The following FRMD6 variants were observed in gnomAD, a reference collection of about 807,000 sequenced individuals.
FRMD6 encodes the protein FERM domain containing 6.
In FRMD6, 37 loss-of-function variants were observed where a neutral mutation model predicts 73.2. The observed-to-expected ratio is 0.51, with a 90% confidence interval of 0.39 to 0.66. The LOEUF (loss-of-function observed/expected upper bound fraction) is 0.66, where lower values mean the gene tolerates loss of function less well. Among genes scored for constraint, FRMD6 ranks in the 30% least tolerant of loss-of-function variants. The pLI, the probability that FRMD6 is intolerant of heterozygous loss-of-function variation, is 0.00. For missense variants in FRMD6, 714 were observed against 780.5 expected, an observed-to-expected ratio of 0.91 and a Z score of 1.02; for synonymous variants, 273 against 282.2, an observed-to-expected ratio of 0.97 and a Z score of 0.33.
intron 1 of FRMD6, among the ~76,000 whole-genome samples, chr14:51,505,664 G>T (rs1182062299): frequency 6.6e-6 from 1 of 152,100 alleles, no homozygotes; most frequent in Non-Finnish European, 1.5e-5. Context: ...AAAGTCCAAT[G>T]GGCACCTTAA....
chr14:51,549,119 C>G (rs767972347), intron 1 of FRMD6, among the ~76,000 whole-genome samples: 1 of 152,150 alleles, frequency 6.6e-6, no homozygotes, highest in Non-Finnish European at 1.5e-5. Flanking sequence ...GTGAGGGCAG[C>G]AGCCATGCCT....
chr14:51,411,461 T>C, the FRMD6 span, among the ~76,000 whole-genome samples: 6 of 152,310 alleles, frequency 3.9e-5, no homozygotes, highest in South Asian at 2.1e-4. Flanking sequence ...GCTTGAGCAC[T>C]AAGCAAAATC....
At chr14:51,533,147 A>G (rs1327194611) in intron 1 of FRMD6, among the ~76,000 whole-genome samples, 2 of 152,206 alleles carry the variant, frequency 1.3e-5, no homozygotes, top group Non-Finnish European at 2.9e-5. Context: ...GCCCAATGAC[A>G]AAGAGAGGAC....
chr14:51,718,799 G>A (rs1372603243), intron 10 of FRMD6, among the ~76,000 whole-genome samples: 1 of 152,162 alleles, frequency 6.6e-6, no homozygotes, highest in Non-Finnish European at 1.5e-5. Flanking sequence ...TGTGCACATA[G>A]CCTTCTCCAA....
the FRMD6 span, among the ~76,000 whole-genome samples, chr14:51,483,886 T>C: frequency 6.6e-6 from 1 of 152,206 alleles, no homozygotes; most frequent in African/African-American, 2.4e-5. Context: ...CTAGAGGTAA[T>C]TATTCGTCAT....
At chr14:51,441,185 C>T in the FRMD6 span, among the ~76,000 whole-genome samples, 1 of 152,244 alleles carries the variant, frequency 6.6e-6, no homozygotes, top group Admixed American at 6.5e-5. Flanking sequence ...GACCTCCTCT[C>T]TGTTATATGG....
intron 1 of FRMD6, among the ~76,000 whole-genome samples, chr14:51,567,671 C>G (rs1001577030): frequency 2.6e-5 from 4 of 152,194 alleles, no homozygotes; most frequent in African/African-American, 9.7e-5. Context: ...TCATATGCAT[C>G]CTTTATTTGC....
At chr14:51,589,662 C>A (rs924200851) in intron 2 of FRMD6, among the ~76,000 whole-genome samples, 1 of 151,876 alleles carries the variant, frequency 6.6e-6, no homozygotes, top group Non-Finnish European at 1.5e-5. Context: ...CAGGAAGTAG[C>A]TCTGAGTTCA....
intron 1 of FRMD6, among the ~76,000 whole-genome samples, chr14:51,688,162 G>A (rs1452003453): frequency 1.3e-5 from 2 of 151,542 alleles, no homozygotes; most frequent in Non-Finnish European, 2.9e-5. Context: ...CATAGTTTGT[G>A]GTCCTAGAAC....
chr14:51,512,593 T>G (rs1024500707), intron 1 of FRMD6, among the ~76,000 whole-genome samples: 1 of 152,080 alleles, frequency 6.6e-6, no homozygotes, highest in Non-Finnish European at 1.5e-5. Flanking sequence ...CTCCTTCTGA[T>G]AGCTGATGTA....
At chr14:51,707,976 T>C in intron 6 of FRMD6, 102 bp from the exon 7 acceptor site, 1 of 1,062,776 alleles carries the variant, frequency 9.4e-7, no homozygotes, top group Non-Finnish European at 1.4e-6. Context: ...CCAGTTTACA[T>C]GGCCTATTTT....
chr14:51,457,908 G>A, the FRMD6 span, among the ~76,000 whole-genome samples: 33 of 152,316 alleles, frequency 2.2e-4, no homozygotes, highest in South Asian at 3.9e-3. Context: ...GGAACACATG[G>A]ATCAAATCAT....
chr14:51,552,862 C>T (rs1435114777), intron 1 of FRMD6, among the ~76,000 whole-genome samples: 1 of 152,196 alleles, frequency 6.6e-6, no homozygotes, highest in African/African-American at 2.4e-5. Flanking sequence ...CTGGCTGGGT[C>T]TGCCTTCCTC....
intron 8 of FRMD6, 33 bp from the exon 9 acceptor site, chr14:51,712,450 C>G: frequency 1.5e-6 from 2 of 1,298,920 alleles, no homozygotes; most frequent in Non-Finnish European, 2.2e-6. Context: ...TATCATTTTT[C>G]CCATTAACTC....
In FRMD6 at chr14:51,537,063, G is replaced by A. The variant is rs116839128; in HGVS notation, c.-209-33285G>A. 8.6e-3 allele frequency among the ~76,000 whole-genome samples: 1,304 copies of A among 152,222 alleles called. 14 individuals carry two copies. The highest frequency in any genetic ancestry group is 0.03 in the African/African-American group (1,233 of 41,520). On this transcript the variant is annotated intron_variant, in intron 1 of 14. Coordinates refer to the FRMD6 transcript ENST00000356218. ...AAGTCCATAGTGTATATTAGAGTTCGCTCTTTATGTTGTATATTTTATGGG... is the reference window on the plus strand; with the variant it reads ...AAGTCCATAGTGTATATTAGAGTTCACTCTTTATGTTGTATATTTTATGGG...
At chr14:51,409,168 C>A in the FRMD6 span, among the ~76,000 whole-genome samples, 38 of 152,126 alleles carry the variant, frequency 2.5e-4, no homozygotes, top group East Asian at 4.5e-3. Context: ...TGGGGGTCTC[C>A]TATTAGCCTT....
chr14:51,727,982 T>A lies in FRMD6; in HGVS notation c.1822T>A (p.Phe608Ile). Residue 608 changes from phenylalanine to isoleucine, a missense_variant, in exon 14 of 14, where the codon TTT (phenylalanine) becomes ATT (isoleucine). Transcript: ENST00000344768. ...TCCAGTCAAAAGAACCAGCAAATAC[T>A]TTTCTCTGGATCTCACTCATGATGA... ...AFPVKRTSKY[F>I]SLDLTHDEVP... is the part of the protein sequence containing the mutation. 6.2e-7 allele frequency: 1 copy of A among 1,613,296 alleles called. No homozygotes were observed. Among genetic ancestry groups the A allele is most frequent in the Non-Finnish European group, 8.5e-7 (1 of 1,179,232 alleles).
At chr14:51,556,944 G>A (rs968000085) in intron 1 of FRMD6, among the ~76,000 whole-genome samples, 11 of 152,018 alleles carry the variant, frequency 7.2e-5, no homozygotes, top group Admixed American at 7.2e-4. Context: ...ACTTTTTGAG[G>A]AACCATATTA....
At chr14:51,535,318 T>C (rs1885817495) in intron 1 of FRMD6, among the ~76,000 whole-genome samples, 1 of 152,156 alleles carries the variant, frequency 6.6e-6, no homozygotes, top group African/African-American at 2.4e-5. Context: ...TTTTACCACC[T>C]CAAAAAGAAA....
Sources: gnomAD v4.1 joint callset for allele counts (sites outside exome capture counted in the v4.1 genomes callset) on GRCh38, gnomAD v4.1.1 for gene constraint, MANE v1.5 for transcripts, NCBI Gene and HGNC (gene_info 2026-07-23, HGNC 2026-07-21) for gene names.